RDX: variants seen among roughly 807,000 people sequenced by gnomAD.
RDX encodes radixin.
Under a neutral mutation model 83.7 loss-of-function variants are expected in RDX, and 32 were observed. The observed-to-expected ratio is 0.38, with a 90% confidence interval of 0.29 to 0.51. RDX has a LOEUF of 0.51. Ranked by LOEUF, RDX falls within the 20% of genes least tolerant of loss-of-function variation. RDX has a pLI of 0.87. For missense variants in RDX, 600 were observed against 689.9 expected, an observed-to-expected ratio of 0.87 and a Z score of 1.46; for synonymous variants, 229 against 222.7, an observed-to-expected ratio of 1.03 and a Z score of -0.25.
At chr11:110,293,287 G>A (rs947155778) in intron 1 of RDX, among the ~76,000 whole-genome samples, 4 of 152,204 alleles carry the variant, frequency 2.6e-5, no homozygotes, top group Admixed American at 6.5e-5. Flanking sequence ...GACTGGGAAA[G>A]GGGCTGGGGT....
chr11:110,246,565 A>T (rs1859114335), intron 10 of RDX, among the ~76,000 whole-genome samples: 1 of 152,182 alleles, frequency 6.6e-6, no homozygotes, highest in South Asian at 2.1e-4. Flanking sequence ...ACTTGAAGTC[A>T]GGAGGTCAAG....
At chr11:110,194,775 A>G (rs544310485) in intron 15 of RDX, among the ~76,000 whole-genome samples, 17 of 152,322 alleles carry the variant, frequency 1.1e-4, no homozygotes, top group Middle Eastern at 3.4e-3. Context: ...CCCCTGTAGG[A>G]GGAGGTTGTC....
At chr11:110,276,740 C>A (rs1308927081) in intron 2 of RDX, among the ~76,000 whole-genome samples, 1 of 152,134 alleles carries the variant, frequency 6.6e-6, no homozygotes, top group East Asian at 1.9e-4. Flanking sequence ...TCTCCTAGAT[C>A]ATTATGGCTT....
chr11:110,233,600 A>G, intron 12 of RDX, 121 bp from the exon 13 acceptor site: 1 of 993,598 alleles, frequency 1.0e-6, no homozygotes, highest in Non-Finnish European at 1.5e-6. Context: ...GGCCCTATTT[A>G]TGAAACCTCT....
intron 7 of RDX, among the ~76,000 whole-genome samples, chr11:110,256,536 C>T (rs1181510080): frequency 6.6e-6 from 1 of 152,106 alleles, no homozygotes; most frequent in Non-Finnish European, 1.5e-5. Context: ...ACTTTTTTAA[C>T]ATTTAAAAAA....
chr11:110,274,439 T>C (rs1860431768), intron 2 of RDX, among the ~76,000 whole-genome samples: 1 of 152,234 alleles, frequency 6.6e-6, no homozygotes, highest in Admixed American at 6.5e-5. Context: ...CGATATTTGT[T>C]GATCAAGTTT....
At chr11:110,196,929 C>T (rs1283297302) in intron 15 of RDX, among the ~76,000 whole-genome samples, 1 of 152,120 alleles carries the variant, frequency 6.6e-6, no homozygotes, top group Non-Finnish European at 1.5e-5. Context: ...GACAGGGTCG[C>T]GCTCTGCCAC....
At chr11:110,223,733 T>C (rs1260682761) in intron 14 of RDX, among the ~76,000 whole-genome samples, 1 of 152,054 alleles carries the variant, frequency 6.6e-6, no homozygotes, top group Admixed American at 6.6e-5. Flanking sequence ...TCTAGCAAAA[T>C]CTAAATTGAT....
chr11:110,266,727 CTAGT>C (rs1178407344), intron 3 of RDX, among the ~76,000 whole-genome samples: 10 of 152,032 alleles, frequency 6.6e-5, no homozygotes, highest in Admixed American at 3.9e-4. Flanking sequence ...TCCACCACAC[CTAGT>C]TAATGTTTTT....
At chr11:110,267,524 AC>A (rs1406921468) in intron 3 of RDX, among the ~76,000 whole-genome samples, 1 of 114,832 alleles carries the variant, frequency 8.7e-6, no homozygotes, top group African/African-American at 3.4e-5. Flanking sequence ...AAACACACAC[AC>A]ACACACACAC....
intron 14 of RDX, among the ~76,000 whole-genome samples, chr11:110,208,280 G>A (rs573400493): frequency 2.8e-4 from 42 of 152,162 alleles, no homozygotes; most frequent in African/African-American, 8.9e-4. Context: ...TTCTGAAAAC[G>A]AATGTAGCGT....
chr11:110,198,900 G>A (rs574663984), intron 15 of RDX, among the ~76,000 whole-genome samples: 1 of 151,070 alleles, frequency 6.6e-6, no homozygotes, highest in East Asian at 2.0e-4. Context: ...ACTGCAACCT[G>A]TGCCTCCTGG....
At chr11:110,244,313 G>T (rs1399381235) in intron 10 of RDX, among the ~76,000 whole-genome samples, 1 of 116,988 alleles carries the variant, frequency 8.5e-6, no homozygotes, top group Non-Finnish European at 1.6e-5. Context: ...AGTGAGCCAA[G>T]ATCACGCCAT....
intron 10 of RDX, among the ~76,000 whole-genome samples, chr11:110,243,236 A>C (rs1400093837): frequency 2.0e-5 from 3 of 152,196 alleles, no homozygotes; most frequent in Non-Finnish European, 4.4e-5. Flanking sequence ...AAAAAAACCA[A>C]AAACCAAAAT....
At chr11:110,288,385 C>T (rs1043357933) in intron 1 of RDX, 1 of 152,122 alleles carries the variant, frequency 6.6e-6, no homozygotes, top group African/African-American at 2.4e-5. Context: ...TTATTAAATA[C>T]TAAAAGGTAA....
intron 14 of RDX, among the ~76,000 whole-genome samples, chr11:110,203,524 G>A (rs142521170): frequency 6.7e-4 from 102 of 151,798 alleles, no homozygotes; most frequent in African/African-American, 2.2e-3. Context: ...AACTAAAAGG[G>A]TATAATTAGA....
At chr11:110,233,099 T>A (rs1864704387) in intron 13 of RDX, 138 bp downstream of exon 13, 3 of 1,017,802 alleles carry the variant, frequency 2.9e-6, no homozygotes, top group Non-Finnish European at 4.6e-6. Context: ...ATAACATGAC[T>A]ATAGGCCAAA....
intron 14 of RDX, among the ~76,000 whole-genome samples, chr11:110,221,570 C>A (rs879723253): frequency 5.9e-4 from 88 of 148,028 alleles, no homozygotes; most frequent in Non-Finnish European, 1.0e-3. Context: ...TGTTCTCCAG[C>A]CTGGGCAACA....
chr11:110,256,070 T>A (rs959932657), intron 7 of RDX, among the ~76,000 whole-genome samples: 3 of 152,196 alleles, frequency 2.0e-5, no homozygotes, highest in African/African-American at 7.2e-5. Context: ...CATATTGGAA[T>A]AAGTGATTTT....
Sources: gnomAD v4.1 joint callset for allele counts (sites outside exome capture counted in the v4.1 genomes callset) on GRCh38, gnomAD v4.1.1 for gene constraint, MANE v1.5 for transcripts, NCBI Gene and HGNC (gene_info 2026-07-23, HGNC 2026-07-21) for gene names.